ESS2: variants seen among roughly 807,000 people sequenced by gnomAD.
ESS2 encodes the protein ess-2 spliceosome associated protein, also known as splicing factor ESS-2 homolog.
Under a neutral mutation model 52.0 loss-of-function variants are expected in ESS2, and 31 were observed. The observed-to-expected ratio is 0.60, with a 90% CI of 0.45 to 0.81. The LOEUF (loss-of-function observed/expected upper bound fraction) is 0.81, where lower values mean the gene tolerates loss of function less well. Ranked by LOEUF, ESS2 falls within the 30% of genes least tolerant of loss-of-function variation. The probability of loss-of-function intolerance (pLI) is 0.00; values close to 1 mark genes in which losing one functional copy is unlikely to be tolerated. For missense variants in ESS2, 602 were observed against 637.2 expected, an observed-to-expected ratio of 0.94 and a Z score of 0.59; for synonymous variants, 285 against 259.2, an observed-to-expected ratio of 1.10 and a Z score of -0.95.
In ESS2 at chr22:19,131,663, C is replaced by T; in HGVS notation, c.*2533G>A. On this transcript the variant is annotated 3_prime_UTR_variant, in exon 10 of 10. Transcript: ENST00000252137. This position sits in a 1 kb window ranked among gnomAD's most constrained non-coding sequence, Gnocchi z 5.7. ...AGACCTCTGACGGACGGATCTACATCATCATGGAGCTTGGCGTCCAGGGCG... is the reference window on the plus strand; with the variant it reads ...AGACCTCTGACGGACGGATCTACATTATCATGGAGCTTGGCGTCCAGGGCG... 1 of 1,614,130 alleles carries T rather than the reference C, an allele frequency of 6.2e-7. No homozygotes were observed. The highest frequency in any genetic ancestry group is 8.5e-7 in the Non-Finnish European group (1 of 1,180,028).
chr22:19,139,360 G>C lies in ESS2; in HGVS notation c.689-68C>G. 3.3e-6 allele frequency: 5 copies of C among 1,499,852 alleles called. No individual in the cohort carries two copies. In the South Asian group the frequency reaches 6.6e-5, roughly 20 times the overall value. The allele number at this position is 1,499,852 out of a possible 1,614,324, so 92.9% of individuals were successfully genotyped here. On this transcript the variant is annotated intron_variant, in intron 5 of 9. Transcript: ENST00000252137. Reference sequence around the variant, plus strand: ...GCAGCCTAAGGAGCATGAGGAGCTCGCTTCTCGGCCAAGTCACTCCCAGAT... The same window carrying C: ...GCAGCCTAAGGAGCATGAGGAGCTCCCTTCTCGGCCAAGTCACTCCCAGAT...
chr22:19,132,165 G>A lies in ESS2; in HGVS notation c.*2031C>T, dbSNP rs1251642761. On this transcript the variant is annotated 3_prime_UTR_variant, in exon 10 of 10. Coordinates refer to ENST00000252137, the MANE Select transcript of ESS2 (RefSeq NM_022719.3). This position sits in a 1 kb window ranked among gnomAD's most constrained non-coding sequence, Gnocchi z 4.2. ...CCTCATCTACCGCATGCTGCAGCCC[G>A]ACGTCAGCCAGCGGCTCCACATCGA... 15 of 1,613,262 alleles carry A rather than the reference G, an allele frequency of 9.3e-6. No individual in the cohort carries two copies. The highest frequency in any genetic ancestry group is 2.2e-5 in the East Asian group (1 of 44,848).
Position 19,132,116 on chromosome 22 carries a change from G to A in ESS2, c.*2080C>T, listed in dbSNP as rs562456158. The A allele has an allele frequency of 5.8e-5, 94 of 1,612,832 alleles. 2 individuals carry two copies. The South Asian group carries it at 1.0e-3, about 18-fold the overall frequency. ...ACCGTGTGGACTTCCCGCGCTCCAA[G>A]AACCTGACCTGCGAGTGCAAGGACC... On this transcript the variant is annotated 3_prime_UTR_variant, in exon 10 of 10. Coordinates refer to ENST00000252137, the MANE Select transcript of ESS2 (RefSeq NM_022719.3). This position sits in a 1 kb window ranked among gnomAD's most constrained non-coding sequence, Gnocchi z 4.2.
rs1407224909 is a variant in ESS2, at chr22:19,134,485, A to T, written c.1152-10T>A. Reference sequence around the variant, plus strand: ...GCCTTTGGGGGTGAGGCTGGGGTGGAGGAATGGGTGAGAGAGGCAGGGTTA... The same window carrying T: ...GCCTTTGGGGGTGAGGCTGGGGTGGTGGAATGGGTGAGAGAGGCAGGGTTA... On this transcript the variant is annotated splice_polypyrimidine_tract_variant and intron_variant, in intron 9 of 9. Transcript: ENST00000252137. 6.5e-7 allele frequency: 1 copy of T among 1,528,086 alleles called. No homozygotes were observed. The highest frequency in any genetic ancestry group is 8.8e-7 in the Non-Finnish European group (1 of 1,135,876). 94.7% of individuals were successfully genotyped at this position (1,528,086 alleles called of 1,614,324 possible).
chr22:19,139,243 A>C lies in ESS2; in HGVS notation c.738T>G (p.His246Gln). The change falls in exon 6 of 10, where the codon CAT (histidine) becomes CAG (glutamine). Residue 246 changes from histidine (H) to glutamine (Q), a missense_variant. Transcript: ENST00000252137. Reference sequence around the variant, plus strand: ...GGTCCCTAAGGAAGCGCGTGTTCTTATGTACCACCTGCCGGGGCTTCTTAA... The same window carrying C: ...GGTCCCTAAGGAAGCGCGTGTTCTTCTGTACCACCTGCCGGGGCTTCTTAA... ...QLFKKPRQVV[H>Q]KNTRFLRDPF... The C allele has an allele frequency of 6.2e-7, 1 of 1,608,316 alleles. No homozygotes were observed. The highest frequency in any genetic ancestry group is 8.5e-7 in the Non-Finnish European group (1 of 1,177,194).
chr22:19,144,478 G>A, intron 1 of ESS2, 28 bp downstream of exon 1: 1 of 1,611,520 alleles, frequency 6.2e-7, no homozygotes, highest in Non-Finnish European at 8.5e-7. Context: ...GGGCCCAGAA[G>A]TCGCCGGCGT....
rs1423703777 is a variant in ESS2 at position 19,133,419 on chromosome 22, C to G, written c.*777G>C. ...GATCTGTCCAGCAACCCACTGTTAT[C>G]TGGGAGCTCCTGTTGGTGGAAGTGA... On this transcript the variant is annotated 3_prime_UTR_variant, in exon 10 of 10. Coordinates refer to ENST00000252137, the MANE Select transcript of ESS2 (RefSeq NM_022719.3). 6.5e-6 allele frequency: 1 copy of G among 153,006 alleles called. No individual in the cohort carries two copies. The highest frequency in any genetic ancestry group is 1.9e-4 in the East Asian group (1 of 5,216). The allele number at this position is 153,006 out of a possible 1,614,324, so 9.5% of individuals were successfully genotyped here. A position where few individuals can be genotyped will look rare whatever the true frequency, so the allele number is the denominator to read the frequency against.
chr22:19,134,072 C>T lies in ESS2; in HGVS notation c.*124G>A. On this transcript the variant is annotated 3_prime_UTR_variant, in exon 10 of 10. Coordinates refer to ENST00000252137, the MANE Select transcript of ESS2 (RefSeq NM_022719.3). ...CCAGCACAGCCCCTTTCTCCAGTGA[C>T]TCCTGGTATGGTCAACAGCTTCTGG... 5 of 1,212,714 alleles carry T rather than the reference C, an allele frequency of 4.1e-6. No homozygotes were observed. The highest frequency in any genetic ancestry group is 3.0e-4 in the Middle Eastern group (1 of 3,310). 75.1% of individuals were successfully genotyped at this position (1,212,714 alleles called of 1,614,324 possible). A position where few individuals can be genotyped will look rare whatever the true frequency, so the allele number is the denominator to read the frequency against.
Position 19,142,587 on chromosome 22 carries a change from A to G in ESS2, c.351T>C (p.Thr117=). ...TFETPEVHAG[T]GVVGNKPRPR... ...GCCTGGGCTTGTTGCCCACCACTCCAGTGCCTGCATGCACCTCAGGGGTTT... is the reference window on the plus strand; with the variant it reads ...GCCTGGGCTTGTTGCCCACCACTCCGGTGCCTGCATGCACCTCAGGGGTTT... The change falls in exon 3 of 10, where the codon ACT becomes ACC. Residue 117 remains threonine, a synonymous_variant. Transcript: ENST00000252137. 6.2e-7 allele frequency: 1 copy of G among 1,613,578 alleles called. No individual in the cohort carries two copies. The highest frequency in any genetic ancestry group is 8.5e-7 in the Non-Finnish European group (1 of 1,179,814).
chr22:19,137,539 A>G, intron 7 of ESS2, 107 bp from the exon 8 acceptor site: 1 of 984,032 alleles, frequency 1.0e-6, no homozygotes, highest in Non-Finnish European at 1.5e-6. Context: ...ATACGAAGGC[A>G]GGCAGCTAGC....
At chr22:19,144,450 G>A in intron 1 of ESS2, 56 bp downstream of exon 1, 1 of 1,608,546 alleles carries the variant, frequency 6.2e-7, no homozygotes, top group Non-Finnish European at 8.5e-7. Context: ...AACCTGAGAG[G>A]AGCTTGAAGC....
chr22:19,139,468 AC>A, intron 5 of ESS2, 143 bp downstream of exon 5: 1 of 1,201,114 alleles, frequency 8.3e-7, no homozygotes, highest in Non-Finnish European at 1.2e-6. Flanking sequence ...AGACCTGTCC[AC>A]CCTTAGACAG....
At chr22:19,137,693 CACG>C (rs2083608156) in intron 7 of ESS2, 1 of 960,548 alleles carries the variant, frequency 1.0e-6, no homozygotes, top group Non-Finnish European at 1.2e-6. Flanking sequence ...CTCCCCCAGC[CACG>C]CAGGAGGAGA....
rs533003983 is a variant in ESS2, at chr22:19,137,360, G to A, written c.998C>T (p.Thr333Met). 21 of 1,613,750 alleles carry A rather than the reference G, an allele frequency of 1.3e-5. No individual in the cohort carries two copies. In the Middle Eastern group the frequency reaches 5.0e-4, roughly 38 times the overall value. The change falls in exon 8 of 10, where the codon ACG becomes ATG. Residue 333 changes from threonine to methionine, a missense_variant. Coordinates refer to ENST00000252137, the MANE Select transcript of ESS2 (RefSeq NM_022719.3). ...GCCGGGTGTCCTGTCCACGTAGGGCGTTTCCGACCCTTCAACTCTCAAGGG... is the reference window on the plus strand; with the variant it reads ...GCCGGGTGTCCTGTCCACGTAGGGCATTTCCGACCCTTCAACTCTCAAGGG... ...NTPLRVEGSE[T>M]PYVDRTPGPA...
chr22:19,134,138 G>A lies in ESS2; in HGVS notation c.*58C>T. On this transcript the variant is annotated 3_prime_UTR_variant, in exon 10 of 10. Transcript: ENST00000252137. ...CGAGAAGGCTGGAGTCCTCTGCTGG[G>A]TGTACAGCTGCCCTGCAGGCTCTGT... 1 of 1,462,784 alleles carries A rather than the reference G, an allele frequency of 6.8e-7. No homozygotes were observed. The highest frequency in any genetic ancestry group is 9.0e-7 in the Non-Finnish European group (1 of 1,107,988). The allele number at this position is 1,462,784 out of a possible 1,614,324, so 90.6% of individuals were successfully genotyped here. A position where few individuals can be genotyped will look rare whatever the true frequency, so the allele number is the denominator to read the frequency against.
At chr22:19,137,532 C>T (rs925937281) in intron 7 of ESS2, 100 bp from the exon 8 acceptor site, 187 of 1,009,500 alleles carry the variant, frequency 1.9e-4, no homozygotes, top group Non-Finnish European at 2.4e-4. Context: ...CCAGCTAATA[C>T]GAAGGCAGGC....
At position 19,133,354 on chromosome 22, in the gene ESS2, T is replaced by G. The variant is rs2285857; in HGVS notation, c.*842A>C. The G allele has an allele frequency of 6.6e-6, 1 of 152,304 alleles. No individual in the cohort carries two copies. Among genetic ancestry groups the G allele is most frequent in the African/African-American group, 2.4e-5 (1 of 41,368 alleles). The allele number at this position is 152,304 out of a possible 1,614,324, so 9.4% of individuals were successfully genotyped here. A position where few individuals can be genotyped will look rare whatever the true frequency, so the allele number is the denominator to read the frequency against. On this transcript the variant is annotated 3_prime_UTR_variant, in exon 10 of 10. Coordinates refer to ENST00000252137, the MANE Select transcript of ESS2 (RefSeq NM_022719.3). ...CACCCTTTCCTAGGGGATAAAGCAC[T>G]GAAGGCCCCACGTCCCCCACCCCTT...
At position 19,131,947 on chromosome 22, in the gene ESS2, C is replaced by T; in HGVS notation, c.*2249G>A. 5 of 1,614,080 alleles carry T rather than the reference C, an allele frequency of 3.1e-6. No homozygotes were observed. The highest frequency in any genetic ancestry group is 4.2e-6 in the Non-Finnish European group (5 of 1,179,992). On this transcript the variant is annotated 3_prime_UTR_variant, in exon 10 of 10. Coordinates refer to ENST00000252137, the MANE Select transcript of ESS2 (RefSeq NM_022719.3). This position sits in a 1 kb window ranked among gnomAD's most constrained non-coding sequence, Gnocchi z 5.7. The stretch of plus-strand genomic sequence containing the variant: ...TTCTGCGGGTCGGCAGCATATGCAG[C>T]CCCCGAGGTGCTGCAGAGCATCCCC...
In ESS2 at chr22:19,132,292, A is replaced by G. The variant is rs762012303; in HGVS notation, c.*1904T>C. The G allele has an allele frequency of 2.4e-5, 39 of 1,613,382 alleles. No homozygotes were observed. The highest frequency in any genetic ancestry group is 1.5e-4 in the South Asian group (14 of 91,078). On this transcript the variant is annotated 3_prime_UTR_variant, in exon 10 of 10. Transcript: ENST00000252137. The surrounding 1 kb of genome is among the most constrained non-coding windows in gnomAD (Gnocchi z 4.2). ...GAGGGCAAGTACCGCGCTGAGTGCA[A>G]ACTGGACACCAAGACAGGCTTGAGG...
Sources: gnomAD v4.1 joint callset for allele counts on GRCh38, gnomAD v4.1.1 for gene constraint, Gnocchi (gnomAD v3.1) non-coding constraint, MANE v1.5 for transcripts, NCBI Gene and HGNC (gene_info 2026-07-23, HGNC 2026-07-21) for gene names.